The following SORL1 variants were observed in gnomAD, a reference collection of about 807,000 sequenced individuals.
The protein encoded by SORL1 is sortilin-related receptor.
SORL1 carries 127 observed loss-of-function variants against 273.7 expected under a neutral mutation model. That is an observed-to-expected ratio of 0.46 (90% CI 0.40 to 0.54). The LOEUF (loss-of-function observed/expected upper bound fraction) is 0.54, where lower values mean the gene tolerates loss of function less well. SORL1 is among the 20% of genes least tolerant of loss of function. SORL1 has a pLI of 0.00. For missense variants in SORL1, 2,494 were observed against 2,846.1 expected, an observed-to-expected ratio of 0.88 and a Z score of 2.81; for synonymous variants, 1,031 against 1,067.4, an observed-to-expected ratio of 0.97 and a Z score of 0.66.
chr11:121,617,889 C>T lies in SORL1; in HGVS notation c.5605-885C>T, dbSNP rs142606080. Among the ~76,000 whole-genome samples the T allele has an allele frequency of 3.1e-3, 471 of 152,286 alleles. 3 individuals carry two copies. The highest frequency in any genetic ancestry group is 0.01 in the African/African-American group (420 of 41,558). On this transcript the variant is annotated intron_variant, in intron 41 of 47. Transcript: ENST00000260197. ...AACAGTGGCTTCGAACAGTTTATTT[C>T]CTCTTGTAATTAAAACAAGTTTAGA... is the stretch of plus-strand genomic sequence containing the variant.
intron 11 of SORL1, among the ~76,000 whole-genome samples, chr11:121,525,768 G>T (rs539940500): frequency 6.6e-6 from 1 of 152,308 alleles, no homozygotes; most frequent in African/African-American, 2.4e-5. Flanking sequence ...AAATTGGGTT[G>T]GTCCAGCACA....
chr11:121,515,809 G>A (rs934203520), intron 8 of SORL1, among the ~76,000 whole-genome samples: 20 of 152,010 alleles, frequency 1.3e-4, no homozygotes, highest in Non-Finnish European at 2.6e-4. Flanking sequence ...GCACCACCAG[G>A]CCAGGCTAAT....
chr11:121,479,520 T>C (rs1045223668), intron 3 of SORL1, among the ~76,000 whole-genome samples: 1 of 152,164 alleles, frequency 6.6e-6, no homozygotes, highest in Non-Finnish European at 1.5e-5. Flanking sequence ...TCAAAATATT[T>C]AGCGACTGGT....
intron 44 of SORL1, 96 bp downstream of exon 44, chr11:121,621,334 T>G: frequency 8.8e-7 from 1 of 1,138,394 alleles, no homozygotes. Context: ...AGGCGTTTGT[T>G]TCACAGGGAG....
At chr11:121,465,533 T>C (rs1470775214) in intron 1 of SORL1, among the ~76,000 whole-genome samples, 1 of 143,250 alleles carries the variant, frequency 7.0e-6, no homozygotes, top group African/African-American at 2.5e-5. Flanking sequence ...GTGTGTCTCC[T>C]TTTTTTTTTT....
intron 1 of SORL1, among the ~76,000 whole-genome samples, chr11:121,453,501 A>G (rs1860846892): frequency 6.6e-6 from 1 of 152,142 alleles, no homozygotes; most frequent in African/African-American, 2.4e-5. Flanking sequence ...GTTAAGATTG[A>G]CATCAGCAAA....
Position 121,591,176 on chromosome 11 carries a change from C to A in SORL1, c.4369+20C>A, listed in dbSNP as rs753137742. The stretch of plus-strand genomic sequence containing the variant: ...TGCTTGGTGAGTTCTGGCCCAGGTC[C>A]TCTCCTGTGGTACCTGCTATTGTGG... On this transcript the variant is annotated intron_variant, in intron 31 of 47. Coordinates refer to ENST00000260197, the MANE Select transcript of SORL1 (RefSeq NM_003105.6). The A allele has an allele frequency of 6.2e-7, 1 of 1,613,756 alleles. No homozygotes were observed. Among genetic ancestry groups the A allele is most frequent in the Non-Finnish European group, 8.5e-7 (1 of 1,179,722 alleles).
At chr11:121,529,196 C>G (rs576576867) in intron 11 of SORL1, among the ~76,000 whole-genome samples, 1 of 151,906 alleles carries the variant, frequency 6.6e-6, no homozygotes, top group Non-Finnish European at 1.5e-5. Context: ...GTTACTGTAG[C>G]CTTCTTCTGT....
chr11:121,550,201 A>G lies in SORL1; in HGVS notation c.2180+113A>G, dbSNP rs1223757368. The G allele has an allele frequency of 2.7e-6, 3 of 1,102,004 alleles. No individual in the cohort carries two copies. Among genetic ancestry groups the G allele is most frequent in the Non-Finnish European group, 3.8e-6 (3 of 788,776 alleles). The allele number at this position is 1,102,004 out of a possible 1,614,324, so 68.3% of individuals were successfully genotyped here. On this transcript the variant is annotated intron_variant, in intron 15 of 47. Transcript: ENST00000260197. The surrounding 1 kb of genome is among the most constrained non-coding windows in gnomAD (Gnocchi z 5.3). Reference sequence around the variant, plus strand: ...ACTCGAAATTCTAGAATTCCAAGTTAACAGCCTGCAAGTAGTTTGGGCAAC... The same window carrying G: ...ACTCGAAATTCTAGAATTCCAAGTTGACAGCCTGCAAGTAGTTTGGGCAAC...
chr11:121,605,646 C>T (rs1863458318), intron 35 of SORL1, 75 bp downstream of exon 35: 2 of 1,226,912 alleles, frequency 1.6e-6, no homozygotes, highest in African/African-American at 3.0e-5. Flanking sequence ...TCTGAGTATT[C>T]TCAGGAATGT....
intron 42 of SORL1, 72 bp downstream of exon 42, chr11:121,618,965 C>A: frequency 1.9e-6 from 3 of 1,552,286 alleles, no homozygotes; most frequent in Non-Finnish European, 1.8e-6. Flanking sequence ...AACCCAGGAC[C>A]TGGGGAGCTT....
rs758413354 is a variant in SORL1 at position 121,550,589 on chromosome 11, CG to C, written c.2187del (p.Lys730ArgfsTer36). ...GSTYRRTRGY[R>X]KISGDTCSGG... ...GCTCTTGGGGTGGGGTGACAGCTAC[CG>C]GAAGATTTCTGGGGACACTTGTAGC... On this transcript the variant is annotated frameshift_variant, in exon 16 of 48. Coordinates refer to ENST00000260197, the MANE Select transcript of SORL1 (RefSeq NM_003105.6). LOFTEE classifies it high-confidence loss of function. This position sits in a 1 kb window ranked among gnomAD's most constrained non-coding sequence, Gnocchi z 5.3. The C allele has an allele frequency of 6.2e-7, 1 of 1,613,968 alleles. No homozygotes were observed. The highest frequency in any genetic ancestry group is 1.7e-5 in the Admixed American group (1 of 60,018).
chr11:121,471,857 T>C (rs1861174434), intron 2 of SORL1, among the ~76,000 whole-genome samples: 2 of 152,294 alleles, frequency 1.3e-5, no homozygotes, highest in South Asian at 4.1e-4. Context: ...CCACCGCTAC[T>C]GATGGCCAGT....
intron 32 of SORL1, among the ~76,000 whole-genome samples, chr11:121,602,696 T>G (rs1170360671): frequency 6.6e-6 from 1 of 152,228 alleles, no homozygotes; most frequent in African/African-American, 2.4e-5. Flanking sequence ...GCTTCCTTGC[T>G]CAGGTCACAA....
At chr11:121,502,124 C>CTT (rs57842880) in intron 6 of SORL1, among the ~76,000 whole-genome samples, 842 of 65,166 alleles carry the variant, frequency 0.013, 252 homozygotes, top group Non-Finnish European at 0.016. Flanking sequence ...TGTGACAATT[C>CTT]TTTTTTTTTT....
intron 39 of SORL1, 56 bp from the exon 40 acceptor site, chr11:121,612,680 A>C: frequency 7.9e-7 from 1 of 1,263,636 alleles, no homozygotes; most frequent in East Asian, 2.3e-5. Flanking sequence ...TGCCTTTTGT[A>C]TTTAGTGTGC....
rs760542066 is a variant in SORL1 at position 121,513,077 on chromosome 11, C to T, written c.1014C>T (p.Ala338=). 7.4e-6 allele frequency: 12 copies of T among 1,613,822 alleles called. No homozygotes were observed. In the Admixed American group the frequency reaches 2.0e-4, roughly 27 times the overall value. ...TTGGCCGGAAGCCCATGAGAGCAGC[C>T]CAGTTTGTCACAAGACATCCTATTA... is the stretch of plus-strand genomic sequence containing the variant. ...VSFGRKPMRA[A]QFVTRHPINE... Residue 338 remains alanine (A), a synonymous_variant, in exon 7 of 48, where the codon GCC becomes GCT. Transcript: ENST00000260197.
At chr11:121,555,822 T>C (rs1232173895) in intron 18 of SORL1, among the ~76,000 whole-genome samples, 2 of 152,194 alleles carry the variant, frequency 1.3e-5, no homozygotes, top group Non-Finnish European at 2.9e-5. Flanking sequence ...CTGTCCCACC[T>C]TATATACCCA....
At chr11:121,465,539 T>G (rs568887209) in intron 1 of SORL1, among the ~76,000 whole-genome samples, 1 of 151,962 alleles carries the variant, frequency 6.6e-6, no homozygotes, top group Non-Finnish European at 1.5e-5. Context: ...CTCCTTTTTT[T>G]TTTTTTGAGA....
Sources: gnomAD v4.1 joint callset for allele counts (sites outside exome capture counted in the v4.1 genomes callset) on GRCh38, gnomAD v4.1.1 for gene constraint, Gnocchi (gnomAD v3.1) non-coding constraint, MANE v1.5 for transcripts, NCBI Gene and HGNC (gene_info 2026-07-23, HGNC 2026-07-21) for gene names.